Variants in KIFAP3 observed in about 807,000 individuals in gnomAD.
The protein encoded by KIFAP3 is kinesin-associated protein 3.
In KIFAP3, 68 loss-of-function variants were observed where a neutral mutation model predicts 106.5. That is an observed-to-expected ratio of 0.64 (90% CI 0.53 to 0.78). The LOEUF is 0.78. Among genes scored for constraint, KIFAP3 ranks in the 30% least tolerant of loss-of-function variants. KIFAP3 has a pLI of 0.00. For missense variants in KIFAP3, 780 were observed against 941.8 expected, an observed-to-expected ratio of 0.83 and a Z score of 2.25; for synonymous variants, 320 against 311.5, an observed-to-expected ratio of 1.03 and a Z score of -0.29.
intron 17 of KIFAP3, among the ~76,000 whole-genome samples, chr1:169,964,636 A>G (rs1446461393): frequency 2.0e-5 from 3 of 152,134 alleles, no homozygotes; most frequent in African/African-American, 7.2e-5. Context: ...TGAGCTGGCC[A>G]TACTTGGGTG....
chr1:170,056,705 C>T (rs1670870868), intron 1 of KIFAP3, among the ~76,000 whole-genome samples: 2 of 151,936 alleles, frequency 1.3e-5, no homozygotes, highest in Non-Finnish European at 2.9e-5. Context: ...GATCTGTCCA[C>T]CAGAATTCCA....
At chr1:169,939,516 C>G (rs547465298) in intron 19 of KIFAP3, among the ~76,000 whole-genome samples, 2 of 152,088 alleles carry the variant, frequency 1.3e-5, no homozygotes, top group East Asian at 3.8e-4. Flanking sequence ...GCTGAGAGGA[C>G]AAGTCTAAGC....
chr1:169,991,794 T>C (rs583604), intron 11 of KIFAP3, among the ~76,000 whole-genome samples: 9,554 of 152,168 alleles, frequency 0.063, 381 homozygotes, highest in Non-Finnish European at 0.095. Flanking sequence ...ATCCATGTAA[T>C]AGAATATTAT....
chr1:169,976,609 T>G (rs948732800), intron 16 of KIFAP3, among the ~76,000 whole-genome samples: 1 of 152,218 alleles, frequency 6.6e-6, no homozygotes, highest in Admixed American at 6.5e-5. Context: ...TGTTAGCTGT[T>G]AAGGCAGAAT....
chr1:169,921,710 G>C lies in KIFAP3; in HGVS notation c.2345C>G (p.Pro782Arg), dbSNP rs767075823. 1.7e-5 allele frequency: 27 copies of C among 1,613,714 alleles called. No homozygotes were observed. The highest frequency in any genetic ancestry group is 2.2e-5 in the Non-Finnish European group (26 of 1,179,712). ...GRPATAYGFR[P>R]DEPYYYGYGS ...ATAGCCATAGTAGTAAGGTTCATCA[G>C]GGCGGAATCCATATGCTGTGGCAGG... is the stretch of plus-strand genomic sequence containing the variant. The change falls in exon 20 of 20, where the codon CCT becomes CGT. Residue 782 changes from proline (P) to arginine (R), a missense_variant. Transcript: ENST00000361580.
At position 170,001,608 on chromosome 1, in the gene KIFAP3, A is replaced by C. The variant is rs1284024078; in HGVS notation, c.1184-9353T>G. Among the ~76,000 whole-genome samples, 7 of 152,290 alleles carry C rather than the reference A, an allele frequency of 4.6e-5. No individual in the cohort carries two copies. In the East Asian group the frequency reaches 1.3e-3, roughly 29 times the overall value. On this transcript the variant is annotated intron_variant, in intron 10 of 19. Coordinates refer to ENST00000361580, the MANE Select transcript of KIFAP3 (RefSeq NM_014970.4). Reference sequence around the variant, plus strand: ...ATTTATAGGATAAATGAGGCCTATTAAAATTGAGAAACAGTGTAGTAGTCT... The same window carrying C: ...ATTTATAGGATAAATGAGGCCTATTCAAATTGAGAAACAGTGTAGTAGTCT...
intron 10 of KIFAP3, among the ~76,000 whole-genome samples, chr1:170,010,167 TAAG>T (rs1418245854): frequency 6.6e-6 from 1 of 151,792 alleles, no homozygotes; most frequent in African/African-American, 2.4e-5. Flanking sequence ...CATTAAAAAA[TAAG>T]AAACGAATAA....
chr1:169,991,725 T>C (rs996711886), intron 11 of KIFAP3, among the ~76,000 whole-genome samples: 27 of 152,114 alleles, frequency 1.8e-4, no homozygotes, highest in African/African-American at 4.8e-5. Flanking sequence ...CATTCATTTT[T>C]ATGTGATAAA....
chr1:169,972,745 A>C (rs1176069474), intron 16 of KIFAP3, 147 bp from the exon 17 acceptor site: 7 of 499,282 alleles, frequency 1.4e-5, no homozygotes. Context: ...CAAGATGACC[A>C]AAAACACTTA....
chr1:169,931,946 T>C (rs1663510697), intron 19 of KIFAP3, among the ~76,000 whole-genome samples: 1 of 152,212 alleles, frequency 6.6e-6, no homozygotes. Flanking sequence ...CTATGCACTC[T>C]CTTAATGATT....
intron 9 of KIFAP3, among the ~76,000 whole-genome samples, chr1:170,017,250 T>C (rs2102003472): frequency 1.3e-5 from 1 of 76,596 alleles, no homozygotes; most frequent in African/African-American, 5.7e-5. Context: ...AGAGAGAGAC[T>C]GTCTCAAAAA....
rs769486634 is a variant in KIFAP3, at chr1:169,954,051, G to T, written c.2233C>A (p.Gln745Lys). 14 of 1,613,680 alleles carry T rather than the reference G, an allele frequency of 8.7e-6. No homozygotes were observed. The highest frequency in any genetic ancestry group is 1.2e-5 in the Non-Finnish European group (14 of 1,179,726). ...TGCTGCCCAACAACATCTCCATTTT[G>T]AAGGTGGTAATCATTGAAGAAATCG... ...SPDFFNDYHL[Q>K]NGDVVGQHSF... is the part of the protein sequence containing the mutation. Residue 745 changes from glutamine to lysine, a missense_variant, in exon 19 of 20, where the codon CAA (glutamine) becomes AAA (lysine). This residue lies in a region of KIFAP3 where 114 missense variants were observed against 122.3 expected (regional missense o/e 0.93). Transcript: ENST00000361580.
At position 169,992,232 on chromosome 1, in the gene KIFAP3, C is replaced by G; in HGVS notation, c.1207G>C (p.Ala403Pro). The G allele has an allele frequency of 1.9e-6, 3 of 1,577,098 alleles. 1 individual carries two copies. In the South Asian group the frequency reaches 3.6e-5, roughly 19 times the overall value. The change falls in exon 11 of 20, where the codon GCA becomes CCA. Residue 403 changes from alanine to proline, a missense_variant. Transcript: ENST00000361580. Reference sequence around the variant, plus strand: ...CTTATGTGGTAAAGAACACACATTGCTATTTGTTTGTAGTTGTCATTGCCT... The same window carrying G: ...CTTATGTGGTAAAGAACACACATTGGTATTTGTTTGTAGTTGTCATTGCCT... ...LLGNDNYKQI[A>P]MCVLYHISMD...
Position 169,990,123 on chromosome 1 carries a change from C to T in KIFAP3, c.1284+2032G>A. 4 of 1,492,822 alleles carry T rather than the reference C, an allele frequency of 2.7e-6. No homozygotes were observed. The South Asian group carries it at 5.0e-5, about 19-fold the overall frequency. The allele number at this position is 1,492,822 out of a possible 1,614,324, so 92.5% of individuals were successfully genotyped here. On this transcript the variant is annotated intron_variant, in intron 11 of 19. Transcript: ENST00000361580. ...GGAAAATAGAGCGATTTACTCTTCT[C>T]CAATCAGTGCATATTTACAAGAAGC...
In KIFAP3 at chr1:169,937,265, T is replaced by G. The variant is rs1004117029; in HGVS notation, c.2274-15484A>C. On this transcript the variant is annotated intron_variant, in intron 19 of 19. Coordinates refer to ENST00000361580, the MANE Select transcript of KIFAP3 (RefSeq NM_014970.4). The stretch of plus-strand genomic sequence containing the variant: ...AAGTGCTTGTCAACTAAAAAGGTTA[T>G]GAATAAAGGAAATTTTAAGTGTTAA... Among the ~76,000 whole-genome samples, 5 of 151,856 alleles carry G rather than the reference T, an allele frequency of 3.3e-5. No homozygotes were observed. In the South Asian group the frequency reaches 1.0e-3, roughly 31 times the overall value.
intron 10 of KIFAP3, among the ~76,000 whole-genome samples, chr1:170,008,524 C>A (rs1350771210): frequency 6.6e-6 from 1 of 152,014 alleles, no homozygotes; most frequent in African/African-American, 2.4e-5. Context: ...AAAAAAAGCT[C>A]ATCATCACTG....
chr1:169,982,825 C>A lies in KIFAP3; in HGVS notation c.1549G>T (p.Glu517Ter). The A allele has an allele frequency of 6.2e-7, 1 of 1,604,684 alleles. No individual in the cohort carries two copies. Reference sequence around the variant, plus strand: ...AAACATTCAATCACAAACTCCTCTTCTTCATCATTAGAGATCTGGGCTGCA... The same window carrying A: ...AAACATTCAATCACAAACTCCTCTTATTCATCATTAGAGATCTGGGCTGCA... ...DLAAQISNDE[E>*]EEFVIECLGT... Residue 517 changes from glutamate to a stop codon, truncating the protein, a stop_gained, in exon 14 of 20, where the codon GAA becomes TAA. Coordinates refer to ENST00000361580, the MANE Select transcript of KIFAP3 (RefSeq NM_014970.4). LOFTEE classifies it high-confidence loss of function.
intron 18 of KIFAP3, among the ~76,000 whole-genome samples, chr1:169,958,886 G>A (rs1001842100): frequency 1.3e-5 from 2 of 152,018 alleles, no homozygotes; most frequent in Non-Finnish European, 2.9e-5. Context: ...GTAACTAAAG[G>A]AGATGCTAGT....
intron 10 of KIFAP3, among the ~76,000 whole-genome samples, chr1:169,994,571 A>G (rs2101941255): frequency 6.6e-6 from 1 of 152,254 alleles, no homozygotes; most frequent in Non-Finnish European, 1.5e-5. Context: ...GATAAAAACA[A>G]TATATGTTTT....
Sources: gnomAD v4.1 joint callset for allele counts (sites outside exome capture counted in the v4.1 genomes callset) on GRCh38, gnomAD v4.1.1 for gene constraint, gnomAD v4.1.1 regional missense constraint, MANE v1.5 for transcripts, NCBI Gene and HGNC (gene_info 2026-07-23, HGNC 2026-07-21) for gene names.